ADGRF5: variants seen among roughly 807,000 people sequenced by gnomAD.
ADGRF5 encodes the protein G-protein coupled receptor 116.
In ADGRF5, 75 loss-of-function variants were observed where a neutral mutation model predicts 132.3. The observed-to-expected ratio is 0.57, with a 90% CI of 0.47 to 0.69. The LOEUF (loss-of-function observed/expected upper bound fraction) is 0.69, where lower values mean the gene tolerates loss of function less well. ADGRF5 is among the 30% of genes least tolerant of loss of function. ADGRF5 has a pLI of 0.00. For missense variants in ADGRF5, 1,516 were observed against 1,630.6 expected (o/e 0.93, Z 1.21); for synonymous variants, 629 against 597.6 (o/e 1.05, Z -0.77).
chr6:46,890,888 C>T (rs537444998), intron 3 of ADGRF5, among the ~76,000 whole-genome samples: 103 of 152,252 alleles, frequency 6.8e-4, no homozygotes, highest in Admixed American at 2.7e-3. Context: ...TCCAAGGACT[C>T]TTGGTGTGAA....
rs114862821 is a variant in ADGRF5 at position 46,878,042 on chromosome 6, G to A, written c.1240+160C>T. On this transcript the variant is annotated intron_variant, in intron 10 of 20. Transcript: ENST00000283296. The stretch of plus-strand genomic sequence containing the variant: ...ATTTTTGGGGTCTTGTTCTAGAGTG[G>A]CTAAGCTGGAGCTGGCATCAAACCT... Among the ~76,000 whole-genome samples the A allele has an allele frequency of 8.4e-3, 1,281 of 152,256 alleles. 19 individuals are homozygous for A. Among genetic ancestry groups the A allele is most frequent in the African/African-American group, 0.028 (1,162 of 41,544 alleles).
At position 46,859,624 on chromosome 6, in the gene ADGRF5, G is replaced by A. The variant is rs1471550600; in HGVS notation, c.2380-101C>T. 25 of 745,614 alleles carry A rather than the reference G, an allele frequency of 3.4e-5. No individual in the cohort carries two copies. The East Asian group carries it at 6.2e-4, about 19-fold the overall frequency. 46.2% of individuals were successfully genotyped at this position (745,614 alleles called of 1,614,324 possible). On this transcript the variant is annotated intron_variant, in intron 16 of 20. Coordinates refer to ENST00000283296, the MANE Select transcript of ADGRF5 (RefSeq NM_001098518.2). ...AGAAACTGATTGCATAAAGGTAAGA[G>A]GAAATGAGAAAACAAAAATGAGACA... is the stretch of plus-strand genomic sequence containing the variant.
At chr6:46,920,216 C>A (rs1015843590) in intron 1 of ADGRF5, among the ~76,000 whole-genome samples, 2 of 152,104 alleles carry the variant, frequency 1.3e-5, no homozygotes, top group Admixed American at 6.6e-5. Context: ...CACTAATTGG[C>A]AAATCTAGAA....
intron 19 of ADGRF5, 63 bp from the exon 20 acceptor site, chr6:46,856,121 C>T: frequency 1.1e-6 from 1 of 910,786 alleles, no homozygotes; most frequent in Non-Finnish European, 1.8e-6. Context: ...CTGTTTCCAT[C>T]TCTAGAAGGA....
intron 1 of ADGRF5, among the ~76,000 whole-genome samples, chr6:46,929,922 G>T (rs888391790): frequency 1.3e-5 from 2 of 152,156 alleles, no homozygotes; most frequent in Non-Finnish European, 2.9e-5. Flanking sequence ...CCGGGATCAA[G>T]CAATTCTCCT....
At chr6:46,927,481 C>G (rs1217414999) in intron 1 of ADGRF5, among the ~76,000 whole-genome samples, 1 of 152,076 alleles carries the variant, frequency 6.6e-6, no homozygotes, top group African/African-American at 2.4e-5. Context: ...CCCCAGCCCC[C>G]ACCAACACAT....
At position 46,895,410 on chromosome 6, in the gene ADGRF5, T is replaced by A. The variant is rs151268462; in HGVS notation, c.157+4619A>T. 4.2e-3 allele frequency among the ~76,000 whole-genome samples: 631 copies of A among 151,512 alleles called. 5 individuals are homozygous for A. Among genetic ancestry groups the A allele is most frequent in the African/African-American group, 0.014 (597 of 41,278 alleles). On this transcript the variant is annotated intron_variant, in intron 3 of 20. Coordinates refer to ENST00000283296, the MANE Select transcript of ADGRF5 (RefSeq NM_001098518.2). ...GAGCACTCAGGGCTACATGTCATCATCAGAAAGGCTGCAATCATGAAAACC... is the reference window on the plus strand; with the variant it reads ...GAGCACTCAGGGCTACATGTCATCAACAGAAAGGCTGCAATCATGAAAACC...
At chr6:46,920,533 G>T (rs1375816887) in intron 1 of ADGRF5, among the ~76,000 whole-genome samples, 11 of 135,300 alleles carry the variant, frequency 8.1e-5, no homozygotes, top group South Asian at 5.3e-4. Context: ...ATTTGGGGGG[G>T]GGGAAGAGAG....
chr6:46,899,668 G>T (rs201426798), intron 3 of ADGRF5, among the ~76,000 whole-genome samples: 19 of 68,016 alleles, frequency 2.8e-4, no homozygotes, highest in Middle Eastern at 7.9e-3. Flanking sequence ...TTTTTTTTTT[G>T]TTTGTTTTGT....
chr6:46,934,087 T>A (rs1312253797), intron 1 of ADGRF5, among the ~76,000 whole-genome samples: 1 of 152,196 alleles, frequency 6.6e-6, no homozygotes, highest in Non-Finnish European at 1.5e-5. Context: ...CACATCTTTG[T>A]CTGGGACTCT....
At chr6:46,941,571 A>G (rs1358706131) in intron 1 of ADGRF5, among the ~76,000 whole-genome samples, 1 of 152,066 alleles carries the variant, frequency 6.6e-6, no homozygotes, top group Non-Finnish European at 1.5e-5. Flanking sequence ...CCCAGTAACC[A>G]GTGTTTTAAC....
intron 1 of ADGRF5, among the ~76,000 whole-genome samples, chr6:46,946,897 A>G (rs1011741618): frequency 3.3e-5 from 5 of 152,254 alleles, no homozygotes; most frequent in East Asian, 1.9e-4. Context: ...TGAAGACACC[A>G]TAAAGATGTC....
rs542043785 is a variant in ADGRF5, at chr6:46,880,456, G to A, written c.815-417C>T. 8.5e-5 allele frequency among the ~76,000 whole-genome samples: 13 copies of A among 152,180 alleles called. No individual in the cohort carries two copies. The South Asian group carries it at 2.7e-3, about 32-fold the overall frequency. ...AACCAATATCTCAAGCTTATTGAAA[G>A]CTCTGACCTAAGTCTTGAAGGATTT... On this transcript the variant is annotated intron_variant, in intron 8 of 20. Transcript: ENST00000283296.
At chr6:46,920,528 G>GA (rs888422553) in intron 1 of ADGRF5, among the ~76,000 whole-genome samples, 1 of 132,426 alleles carries the variant, frequency 7.6e-6, no homozygotes, top group African/African-American at 2.9e-5. Flanking sequence ...ATAATATTTG[G>GA]GGGGGGGGAA....
chr6:46,897,375 G>C (rs1436409512), intron 3 of ADGRF5, among the ~76,000 whole-genome samples: 1 of 151,888 alleles, frequency 6.6e-6, no homozygotes, highest in Non-Finnish European at 1.5e-5. Flanking sequence ...TAGAACCTTT[G>C]TATCCTTCTG....
chr6:46,883,510 T>G (rs1217715501), intron 6 of ADGRF5, 49 bp downstream of exon 6: 1 of 890,798 alleles, frequency 1.1e-6, no homozygotes, highest in Non-Finnish European at 1.9e-6. Context: ...TAGACTCAGT[T>G]CAGTCCAAAC....
chr6:46,948,295 T>C (rs1778371955), intron 1 of ADGRF5, among the ~76,000 whole-genome samples: 1 of 152,218 alleles, frequency 6.6e-6, no homozygotes, highest in African/African-American at 2.4e-5. Flanking sequence ...ATGCAAAAAC[T>C]TAAGCAAAAG....
rs1768669581 is a variant in ADGRF5, at chr6:46,853,170, T to C, written c.*822A>G. Reference sequence around the variant, plus strand: ...TCTAATGACATATCTTTGTAATACTTCCTCTGCAGATACATTCACTTAGTT... The same window carrying C: ...TCTAATGACATATCTTTGTAATACTCCCTCTGCAGATACATTCACTTAGTT... On this transcript the variant is annotated 3_prime_UTR_variant, in exon 21 of 21. Coordinates refer to ENST00000283296, the MANE Select transcript of ADGRF5 (RefSeq NM_001098518.2). 6.6e-6 allele frequency: 1 copy of C among 152,382 alleles called. No individual in the cohort carries two copies. The highest frequency in any genetic ancestry group is 6.5e-5 in the Admixed American group (1 of 15,288). 9.4% of individuals were successfully genotyped at this position (152,382 alleles called of 1,614,324 possible).
intron 1 of ADGRF5, among the ~76,000 whole-genome samples, chr6:46,937,241 TGTGTGTGTGTGA>T (rs1777878906): frequency 6.6e-6 from 1 of 151,910 alleles, no homozygotes; most frequent in Non-Finnish European, 1.5e-5. Flanking sequence ...TGTGTGTGTG[TGTGTGTGTGTGA>T]GTGTGTGTGT....
Sources: gnomAD v4.1 joint callset for allele counts (sites outside exome capture counted in the v4.1 genomes callset) on GRCh38, gnomAD v4.1.1 for gene constraint, MANE v1.5 for transcripts, NCBI Gene and HGNC (gene_info 2026-07-23, HGNC 2026-07-21) for gene names.